The following ATRNL1 variants were observed in gnomAD, a reference collection of about 807,000 sequenced individuals.
The protein encoded by ATRNL1 is attractin like 1.
ATRNL1 carries 95 observed loss-of-function variants against 182.7 expected under a neutral mutation model. The ratio of observed to expected loss-of-function variants is 0.52; its 90% CI spans 0.44 to 0.62. ATRNL1 has a LOEUF of 0.62. ATRNL1 is among the 20% of genes least tolerant of loss of function. The pLI is 0.00. For missense variants in ATRNL1, 1,471 were observed against 1,679.5 expected (o/e 0.88, Z 2.17); for synonymous variants, 576 against 568.3 (o/e 1.01, Z -0.19).
At chr10:115,728,014 A>T (rs746599762) in intron 27 of ATRNL1, among the ~76,000 whole-genome samples, 2 of 150,122 alleles carry the variant, frequency 1.3e-5, no homozygotes, top group Non-Finnish European at 3.0e-5. Flanking sequence ...GGTGGCTCAC[A>T]CCTGCAATCC....
chr10:115,247,838 C>G (rs1397631417), intron 10 of ATRNL1, among the ~76,000 whole-genome samples: 6 of 151,918 alleles, frequency 3.9e-5, no homozygotes, highest in Non-Finnish European at 5.9e-5. Flanking sequence ...TACTATTCAG[C>G]CATAAAAAGA....
chr10:115,730,312 T>A (rs1454336591), intron 27 of ATRNL1, among the ~76,000 whole-genome samples: 1 of 150,832 alleles, frequency 6.6e-6, no homozygotes, highest in African/African-American at 2.4e-5. Flanking sequence ...TGTATGGCAT[T>A]ATCTTTGAGA....
At chr10:115,503,629 G>A (rs770509385) in intron 24 of ATRNL1, among the ~76,000 whole-genome samples, 25 of 144,508 alleles carry the variant, frequency 1.7e-4, no homozygotes, top group Non-Finnish European at 2.4e-4. Flanking sequence ...ATCAAGCCCA[G>A]TCTTTAAAAA....
intron 10 of ATRNL1, among the ~76,000 whole-genome samples, chr10:115,255,884 T>C (rs2133855494): frequency 6.6e-6 from 1 of 152,384 alleles, no homozygotes; most frequent in South Asian, 2.1e-4. Context: ...TTTTGGCATC[T>C]ACTGAGATAA....
intron 27 of ATRNL1, among the ~76,000 whole-genome samples, chr10:115,766,830 C>T (rs1032620996): frequency 6.6e-6 from 1 of 152,132 alleles, no homozygotes; most frequent in Non-Finnish European, 1.5e-5. Flanking sequence ...ATCAACTGGC[C>T]TTGATTAATG....
At chr10:115,409,952 C>G (rs1244798303) in intron 20 of ATRNL1, among the ~76,000 whole-genome samples, 1 of 152,034 alleles carries the variant, frequency 6.6e-6, no homozygotes, top group Non-Finnish European at 1.5e-5. Context: ...TGAATTTTGT[C>G]AAATGCTCTT....
At chr10:115,700,029 T>C (rs1555050991) in intron 26 of ATRNL1, among the ~76,000 whole-genome samples, 1 of 152,218 alleles carries the variant, frequency 6.6e-6, no homozygotes, top group Non-Finnish European at 1.5e-5. Context: ...TCATTCATTT[T>C]TATGGCTATG....
chr10:115,329,753 G>T (rs1390226072), intron 18 of ATRNL1, among the ~76,000 whole-genome samples: 1 of 152,048 alleles, frequency 6.6e-6, no homozygotes, highest in African/African-American at 2.4e-5. Context: ...ATTACTTTAA[G>T]TCTATGCACA....
At chr10:115,561,686 T>TGTGTGTGTGG (rs1397364485) in intron 26 of ATRNL1, among the ~76,000 whole-genome samples, 1 of 109,528 alleles carries the variant, frequency 9.1e-6, no homozygotes, top group South Asian at 3.9e-4. Flanking sequence ...TGTGTGTGTG[T>TGTGTGTGTGG]GTGGGTGTGT....
chr10:115,153,031 A>G (rs1182886113), intron 5 of ATRNL1, among the ~76,000 whole-genome samples: 7 of 152,064 alleles, frequency 4.6e-5, no homozygotes, highest in Non-Finnish European at 1.0e-4. Flanking sequence ...ATTGATTTGC[A>G]TATGTTGAAC....
chr10:115,545,901 CAG>C, intron 25 of ATRNL1, among the ~76,000 whole-genome samples: 1 of 152,190 alleles, frequency 6.6e-6, no homozygotes, highest in Middle Eastern at 3.4e-3. Flanking sequence ...ACAGAGAAGT[CAG>C]GGGAAAGGGA....
At chr10:115,814,300 C>T (rs949740331) in intron 27 of ATRNL1, among the ~76,000 whole-genome samples, 6 of 151,948 alleles carry the variant, frequency 3.9e-5, no homozygotes, top group African/African-American at 1.5e-4. Context: ...ATATGGTAGG[C>T]AATGGCAAGT....
At chr10:115,389,562 A>ATATATATATATATATATG (rs1843891795) in intron 19 of ATRNL1, among the ~76,000 whole-genome samples, 1 of 107,100 alleles carries the variant, frequency 9.3e-6, no homozygotes, top group Admixed American at 8.7e-5. Flanking sequence ...ATATATATAT[A>ATATATATATATATATATG]TATATATATA....
Position 115,171,234 on chromosome 10 carries a change from A to G in ATRNL1, c.1290A>G (p.Ile430Met), listed in dbSNP as rs1554885501. 7 of 1,610,120 alleles carry G rather than the reference A, an allele frequency of 4.3e-6. No homozygotes were observed. The highest frequency in any genetic ancestry group is 1.7e-4 in the Middle Eastern group (1 of 6,034). The change falls in exon 8 of 29, where the codon ATA (isoleucine) becomes ATG (methionine). Residue 430 changes from isoleucine to methionine, a missense_variant. Transcript: ENST00000355044. Reference sequence around the variant, plus strand: ...ATAGTAGAGATGTTGTCATGATCATAATATTTGGATATTCTGCAATATATG... The same window carrying G: ...ATAGTAGAGATGTTGTCATGATCATGATATTTGGATATTCTGCAATATATG... ...ELDSRDVVMI[I>M]IFGYSAIYGY...
chr10:115,174,909 G>T (rs930827915), intron 8 of ATRNL1, among the ~76,000 whole-genome samples: 1 of 151,874 alleles, frequency 6.6e-6, no homozygotes, highest in Non-Finnish European at 1.5e-5. Flanking sequence ...AAAGTAGCCT[G>T]ATATCTAGTA....
At chr10:115,677,477 G>C (rs144212375) in intron 26 of ATRNL1, among the ~76,000 whole-genome samples, 3,849 of 152,056 alleles carry the variant, frequency 0.025, 91 homozygotes, top group Non-Finnish European at 0.038. Flanking sequence ...AGGGACCCAG[G>C]GGGAGGTAAT....
intron 26 of ATRNL1, among the ~76,000 whole-genome samples, chr10:115,641,402 CTT>C (rs1859238145): frequency 6.6e-6 from 1 of 152,138 alleles, no homozygotes; most frequent in South Asian, 2.1e-4. Flanking sequence ...ACAGAAGAGG[CTT>C]TTACTATAAA....
chr10:115,848,043 A>G (rs1555099436), intron 28 of ATRNL1, 52 bp downstream of exon 28: 1 of 985,326 alleles, frequency 1.0e-6, no homozygotes. Flanking sequence ...TAGACTGAAC[A>G]GAAGAAATAA....
chr10:115,861,415 G>A (rs782795673), intron 28 of ATRNL1, among the ~76,000 whole-genome samples: 1 of 152,152 alleles, frequency 6.6e-6, no homozygotes, highest in Non-Finnish European at 1.5e-5. Context: ...GCATGTTGGT[G>A]CTAATGTCCC....
Sources: allele counts gnomAD v4.1 joint callset (sites outside exome capture counted in the v4.1 genomes callset), GRCh38; gene constraint gnomAD v4.1.1; transcripts MANE v1.5; gene names NCBI Gene and HGNC (gene_info 2026-07-23, HGNC 2026-07-21).